Variants in PRH2 observed in about 807,000 individuals in gnomAD.
PRH2 encodes the protein salivary acidic proline-rich phosphoprotein 1/2.
PRH2 carries 19 observed loss-of-function variants against 22.6 expected under a neutral mutation model. The observed-to-expected ratio is 0.84, with a 90% CI of 0.59 to 1.23. The LOEUF is 1.23. Among genes scored for constraint, PRH2 ranks in the 50% most tolerant of loss-of-function variants. The pLI, the probability that PRH2 is intolerant of heterozygous loss-of-function variation, is 0.00. For synonymous variants in PRH2, 45 were observed against 72.0 expected, an observed-to-expected ratio of 0.63 and a Z score of 1.90; for missense variants, 109 against 203.0, an observed-to-expected ratio of 0.54 and a Z score of 2.81.
Position 10,929,260 on chromosome 12 carries a change from G to C in PRH2, c.-14G>C, listed in dbSNP as rs745490657. ...CAGCATAAAGTTGGGAGTGACACCA[G>C]AGCCTTCTGCAAGATGCTTCTGATT... On this transcript the variant is annotated 5_prime_UTR_variant, in exon 1 of 4. Transcript: ENST00000396400. 1 of 1,614,164 alleles carries C rather than the reference G, an allele frequency of 6.2e-7. No individual in the cohort carries two copies. The highest frequency in any genetic ancestry group is 2.2e-5 in the East Asian group (1 of 44,866).
rs1950231066 is a variant in PRH2 at position 10,932,688 on chromosome 12, C to A, written c.*481C>A. On this transcript the variant is annotated 3_prime_UTR_variant, in exon 4 of 4. Transcript: ENST00000396400. Reference sequence around the variant, plus strand: ...GAGTATGGTTCTATGCCTGTATTCCCCAGAAGCCACTAGACCTATTTTCCC... The same window carrying A: ...GAGTATGGTTCTATGCCTGTATTCCACAGAAGCCACTAGACCTATTTTCCC... Among the ~76,000 whole-genome samples, 2 of 151,950 alleles carry A rather than the reference C, an allele frequency of 1.3e-5. No homozygotes were observed. Among genetic ancestry groups the A allele is most frequent in the African/African-American group, 4.8e-5 (2 of 41,392 alleles).
intron 3 of PRH2, 97 bp downstream of exon 3, chr12:10,931,177 C>T (rs977024027): frequency 1.2e-5 from 19 of 1,557,862 alleles, no homozygotes; most frequent in Middle Eastern, 2.3e-4. Flanking sequence ...TTAATATTTC[C>T]GTGTCCTGGA....
Position 10,932,319 on chromosome 12 carries a change from A to T in PRH2, c.*112A>T, listed in dbSNP as rs1950225726. ...TATACCAATAAAATAATCAGCTTGC[A>T]ATTTCTGATTATAGCATCTCCTTCT... On this transcript the variant is annotated 3_prime_UTR_variant, in exon 4 of 4. Coordinates refer to ENST00000396400, the MANE Select transcript of PRH2 (RefSeq NM_001110213.1). 3 of 355,804 alleles carry T rather than the reference A, an allele frequency of 8.4e-6. No homozygotes were observed. Among genetic ancestry groups the T allele is most frequent in the Admixed American group, 2.5e-5 (1 of 40,418 alleles). The allele number at this position is 355,804 out of a possible 1,614,324, so 22.0% of individuals were successfully genotyped here.
At position 10,930,251 on chromosome 12, in the gene PRH2, C is replaced by T; in HGVS notation, c.65-18C>T. 2.5e-6 allele frequency: 4 copies of T among 1,612,376 alleles called. No homozygotes were observed. The highest frequency in any genetic ancestry group is 3.4e-6 in the Non-Finnish European group (4 of 1,178,408). ...TTCATGCAGTAACTTTTCCCATCATCCTGTACTTCTTTTCTAGATGTCAGC... is the reference window on the plus strand; with the variant it reads ...TTCATGCAGTAACTTTTCCCATCATTCTGTACTTCTTTTCTAGATGTCAGC... On this transcript the variant is annotated intron_variant, in intron 1 of 3. Transcript: ENST00000396400.
In PRH2 at chr12:10,933,418, A is replaced by G. The variant is rs1457267006; in HGVS notation, c.*1211A>G. 1.3e-5 allele frequency among the ~76,000 whole-genome samples: 2 copies of G among 151,856 alleles called. No individual in the cohort carries two copies. Among genetic ancestry groups the G allele is most frequent in the East Asian group, 1.9e-4 (1 of 5,184 alleles). ...ACAAAATGCTGAAAAGAAGAGAAAT[A>G]CCCCAAGTTCTTGAAAAAAAATTTT... is the stretch of plus-strand genomic sequence containing the variant. On this transcript the variant is annotated 3_prime_UTR_variant, in exon 4 of 4. Coordinates refer to ENST00000396400, the MANE Select transcript of PRH2 (RefSeq NM_001110213.1).
chr12:10,930,130 G>A, intron 1 of PRH2, 139 bp from the exon 2 acceptor site: 3 of 1,012,148 alleles, frequency 3.0e-6, no homozygotes, highest in Admixed American at 4.1e-5. Context: ...TCCACTTCCG[G>A]TAGCATCAGA....
Position 10,933,551 on chromosome 12 carries a change from A to C in PRH2, c.*1344A>C, listed in dbSNP as rs1950243406. Among the ~76,000 whole-genome samples, 1 of 152,072 alleles carries C rather than the reference A, an allele frequency of 6.6e-6. No individual in the cohort carries two copies. Among genetic ancestry groups the C allele is most frequent in the Admixed American group, 6.6e-5 (1 of 15,264 alleles). ...TGACCAAGCAGACTTGATTCCAGGAATGTTAAGGAATGTTCATTATTTGTT... is the reference window on the plus strand; with the variant it reads ...TGACCAAGCAGACTTGATTCCAGGACTGTTAAGGAATGTTCATTATTTGTT... On this transcript the variant is annotated 3_prime_UTR_variant, in exon 4 of 4. Transcript: ENST00000396400.
chr12:10,932,126 A>G, intron 3 of PRH2, 100 bp from the exon 4 acceptor site: 1 of 343,176 alleles, frequency 2.9e-6, no homozygotes, highest in Non-Finnish European at 6.5e-6. Flanking sequence ...TAGAGGGCAA[A>G]AGGATGGTTT....
intron 2 of PRH2, 98 bp downstream of exon 2, chr12:10,930,402 G>A: frequency 2.4e-5 from 36 of 1,517,066 alleles, no homozygotes; most frequent in Non-Finnish European, 3.1e-5. Context: ...TCAGGAATTG[G>A]CTAATATCAG....
intron 1 of PRH2, 140 bp downstream of exon 1, chr12:10,929,477 C>T (rs1309318863): frequency 2.0e-6 from 2 of 999,670 alleles, no homozygotes; most frequent in Non-Finnish European, 3.0e-6. Context: ...ATCAGAAGAC[C>T]TGTTGTGCCT....
rs1404585680 is a variant in PRH2, at chr12:10,932,372, C to T, written c.*165C>T. On this transcript the variant is annotated 3_prime_UTR_variant, in exon 4 of 4. Coordinates refer to ENST00000396400, the MANE Select transcript of PRH2 (RefSeq NM_001110213.1). ...GTGTTTGGGACTCTGGAATCTGAGA[C>T]CCATGTTCACATTGTAAGAACATCC... is the stretch of plus-strand genomic sequence containing the variant. 2 of 259,500 alleles carry T rather than the reference C, an allele frequency of 7.7e-6. No individual in the cohort carries two copies. The highest frequency in any genetic ancestry group is 1.7e-5 in the Non-Finnish European group (2 of 114,802). 16.1% of individuals were successfully genotyped at this position (259,500 alleles called of 1,614,324 possible). A position where few individuals can be genotyped will look rare whatever the true frequency, so the allele number is the denominator to read the frequency against.
intron 3 of PRH2, 40 bp downstream of exon 3, chr12:10,931,120 C>A: frequency 6.3e-7 from 1 of 1,580,606 alleles, no homozygotes; most frequent in Non-Finnish European, 8.6e-7. Context: ...GCTCCAACTG[C>A]TACAGTTCTC....
chr12:10,932,908 A>T lies in PRH2; in HGVS notation c.*701A>T, dbSNP rs2135872918. Among the ~76,000 whole-genome samples, 1 of 152,356 alleles carries T rather than the reference A, an allele frequency of 6.6e-6. No homozygotes were observed. Among genetic ancestry groups the T allele is most frequent in the South Asian group, 2.1e-4 (1 of 4,832 alleles). On this transcript the variant is annotated 3_prime_UTR_variant, in exon 4 of 4. Coordinates refer to ENST00000396400, the MANE Select transcript of PRH2 (RefSeq NM_001110213.1). ...TTATAATGCAACCAGGAGTATTGAAAAAAAAGTAAGCAATGAGCTCAAATA... is the reference window on the plus strand; with the variant it reads ...TTATAATGCAACCAGGAGTATTGAATAAAAAGTAAGCAATGAGCTCAAATA...
chr12:10,929,696 T>C (rs913884613), intron 1 of PRH2, among the ~76,000 whole-genome samples: 1 of 152,194 alleles, frequency 6.6e-6, no homozygotes, highest in African/African-American at 2.4e-5. Context: ...GTGGCCTTGC[T>C]GGACAGTGGA....
At chr12:10,931,166 G>C (rs1285757547) in intron 3 of PRH2, 86 bp downstream of exon 3, 1 of 1,571,218 alleles carries the variant, frequency 6.4e-7, no homozygotes, top group African/African-American at 1.4e-5. Flanking sequence ...TTGAAAAGCT[G>C]TTAATATTTC....
At position 10,929,321 on chromosome 12, in the gene PRH2, T is replaced by C; in HGVS notation, c.48T>C (p.Ala16=). 6.2e-7 allele frequency: 1 copy of C among 1,614,104 alleles called. No individual in the cohort carries two copies. Among genetic ancestry groups the C allele is most frequent in the East Asian group, 2.2e-5 (1 of 44,868 alleles). Residue 16 remains alanine (A), a synonymous_variant, in exon 1 of 4, where the codon GCT becomes GCC. Transcript: ENST00000396400. ...TGGCCCTGCTGGCCTTCAGCTCAGC[T>C]CAGGACTTAGATGAAGGTAAGCCGA... is the stretch of plus-strand genomic sequence containing the variant. ...LSVALLAFSS[A]QDLDEDVSQE...
In PRH2 at chr12:10,933,904, A is replaced by C. The variant is rs114486783; in HGVS notation, c.*1697A>C. ...CATATATTCAAATGGAAGGAGTAAA[A>C]TTACCACCACATGCAGATCTGTTTT... On this transcript the variant is annotated 3_prime_UTR_variant, in exon 4 of 4. Coordinates refer to ENST00000396400, the MANE Select transcript of PRH2 (RefSeq NM_001110213.1). Among the ~76,000 whole-genome samples the C allele has an allele frequency of 3.4e-3, 521 of 152,272 alleles. 2 individuals carry two copies. The highest frequency in any genetic ancestry group is 0.012 in the African/African-American group (485 of 41,594).
rs568662330 is a variant in PRH2, at chr12:10,931,310, A to G, written c.*18+230A>G. The G allele has an allele frequency of 2.3e-4, 213 of 938,384 alleles. 2 individuals are homozygous for G. The East Asian group carries it at 5.6e-3, about 25-fold the overall frequency. The allele number at this position is 938,384 out of a possible 1,614,324, so 58.1% of individuals were successfully genotyped here. A position where few individuals can be genotyped will look rare whatever the true frequency, so the allele number is the denominator to read the frequency against. ...ACTATCTTCAAATTACCTCTCTTAAATAGGGTTGGGAATGAGGACATAGAA... is the reference window on the plus strand; with the variant it reads ...ACTATCTTCAAATTACCTCTCTTAAGTAGGGTTGGGAATGAGGACATAGAA... On this transcript the variant is annotated intron_variant, in intron 3 of 3. Coordinates refer to ENST00000396400, the MANE Select transcript of PRH2 (RefSeq NM_001110213.1).
chr12:10,931,534 C>T (rs1225404566), intron 3 of PRH2, among the ~76,000 whole-genome samples: 4 of 152,184 alleles, frequency 2.6e-5, no homozygotes, highest in Admixed American at 2.0e-4. Flanking sequence ...ACACATTTCA[C>T]ATTTAAAGTC....
Sources: gnomAD v4.1 joint callset for allele counts (sites outside exome capture counted in the v4.1 genomes callset) on GRCh38, gnomAD v4.1.1 for gene constraint, MANE v1.5 for transcripts, NCBI Gene and HGNC (gene_info 2026-07-23, HGNC 2026-07-21) for gene names.